Variants in MAML1 observed in about 807,000 individuals in gnomAD.
The protein encoded by MAML1 is mastermind like transcriptional coactivator 1, also known as mastermind-like protein 1.
MAML1 carries 14 observed loss-of-function variants against 77.1 expected under a neutral mutation model. The ratio of observed to expected loss-of-function variants is 0.18; its 90% CI spans 0.12 to 0.28. The LOEUF (loss-of-function observed/expected upper bound fraction) is 0.28, where lower values mean the gene tolerates loss of function less well. MAML1 is among the 10% of genes least tolerant of loss of function. The pLI is 1.00. For missense variants in MAML1, 1,217 were observed against 1,327.8 expected, an observed-to-expected ratio of 0.92 and a Z score of 1.30; for synonymous variants, 516 against 551.9, an observed-to-expected ratio of 0.93 and a Z score of 0.91.
intron 4 of MAML1, chr5:179,773,585 T>G: frequency 3.7e-6 from 1 of 271,376 alleles, no homozygotes; most frequent in Non-Finnish European, 5.6e-6. Context: ...TGGGTCCACC[T>G]CAGAGTCCCC....
Position 179,776,737 on chromosome 5 carries a change from C to T in MAML1, c.*1860C>T. The T allele has an allele frequency of 1.0e-6, 1 of 985,976 alleles. No homozygotes were observed. The highest frequency in any genetic ancestry group is 1.2e-6 in the Non-Finnish European group (1 of 830,042). The allele number at this position is 985,976 out of a possible 1,614,324, so 61.1% of individuals were successfully genotyped here. A position where few individuals can be genotyped will look rare whatever the true frequency, so the allele number is the denominator to read the frequency against. On this transcript the variant is annotated 3_prime_UTR_variant, in exon 5 of 5. Coordinates refer to ENST00000292599, the MANE Select transcript of MAML1 (RefSeq NM_014757.5). Reference sequence around the variant, plus strand: ...ACCCCTGTCCCCGGGGCTCGCTGGCCCTGCACTCCGCCTTAGTCCTGGGGC... The same window carrying T: ...ACCCCTGTCCCCGGGGCTCGCTGGCTCTGCACTCCGCCTTAGTCCTGGGGC...
At chr5:179,758,564 AT>A (rs941737545) in intron 1 of MAML1, among the ~76,000 whole-genome samples, 2 of 151,112 alleles carry the variant, frequency 1.3e-5, no homozygotes, top group East Asian at 2.0e-4. Context: ...CTAATTATTT[AT>A]TTTTTTTAGA....
In MAML1 at chr5:179,733,417, G is replaced by A; in HGVS notation, c.305G>A (p.Arg102His). The A allele has an allele frequency of 9.1e-7, 1 of 1,104,628 alleles. No individual in the cohort carries two copies. Among genetic ancestry groups the A allele is most frequent in the Non-Finnish European group, 1.1e-6 (1 of 910,116 alleles). 68.4% of individuals were successfully genotyped at this position (1,104,628 alleles called of 1,614,324 possible). A position where few individuals can be genotyped will look rare whatever the true frequency, so the allele number is the denominator to read the frequency against. Residue 102 changes from arginine to histidine, a missense_variant, in exon 1 of 5, where the codon CGC (arginine) becomes CAC (histidine). By Grantham distance (29) the Arg-to-His change is conservative. Transcript: ENST00000292599. ...GCCGCTGACGGCCCCGAGCACGGCC[G>A]CCCGGCCACGGTGAGTAGGGCGCGG... is the stretch of plus-strand genomic sequence containing the variant. ...LDAADGPEHGRPATHLHDTVK... is the reference protein window; with the variant it reads ...LDAADGPEHGHPATHLHDTVK...
At chr5:179,747,234 C>G (rs552199600) in intron 1 of MAML1, among the ~76,000 whole-genome samples, 2 of 152,178 alleles carry the variant, frequency 1.3e-5, no homozygotes, top group Admixed American at 6.5e-5. Flanking sequence ...AAGAGTCTGG[C>G]ATTGTACCTG....
At chr5:179,752,233 G>A (rs1779502358) in intron 1 of MAML1, among the ~76,000 whole-genome samples, 1 of 148,812 alleles carries the variant, frequency 6.7e-6, no homozygotes. Flanking sequence ...GGCTGAGGCA[G>A]GAGAATCGCT....
chr5:179,739,383 G>A (rs992223609), intron 1 of MAML1, among the ~76,000 whole-genome samples: 5 of 119,570 alleles, frequency 4.2e-5, no homozygotes, highest in South Asian at 2.5e-4. Context: ...GGAACGGAAC[G>A]GAATAGAATA....
intron 1 of MAML1, among the ~76,000 whole-genome samples, chr5:179,757,948 T>C (rs962792029): frequency 6.6e-6 from 1 of 152,250 alleles, no homozygotes; most frequent in Non-Finnish European, 1.5e-5. Flanking sequence ...TATATGCACA[T>C]AGAACTATAC....
Position 179,766,023 on chromosome 5 carries a change from C to G in MAML1, c.1013C>G (p.Ser338Cys). The change falls in exon 2 of 5, where the codon TCC becomes TGC. Residue 338 changes from serine (S) to cysteine (C), a missense_variant. Physicochemically the swap from Ser to Cys is moderately radical, Grantham distance 112 (BLOSUM62 -1). Transcript: ENST00000292599. The surrounding 1 kb of genome is among the most constrained non-coding windows in gnomAD (Gnocchi z 4.0). ...TCCTCTGCCCCTGTGAGTACAGATT[C>G]CCCCAGCCTAGGGGGCTCCCAAACC... ...GPSSAPVSTD[S>C]PSLGGSQTLF... 1 of 1,598,038 alleles carries G rather than the reference C, an allele frequency of 6.3e-7. No homozygotes were observed. Among genetic ancestry groups the G allele is most frequent in the Non-Finnish European group, 8.5e-7 (1 of 1,173,558 alleles).
At chr5:179,743,724 T>C (rs1462804797) in intron 1 of MAML1, among the ~76,000 whole-genome samples, 2 of 152,136 alleles carry the variant, frequency 1.3e-5, no homozygotes, top group African/African-American at 4.8e-5. Flanking sequence ...TTTAAGCTTA[T>C]GAAAACTTAT....
At chr5:179,755,738 G>T (rs1260157279) in intron 1 of MAML1, among the ~76,000 whole-genome samples, 1 of 144,758 alleles carries the variant, frequency 6.9e-6, no homozygotes. Flanking sequence ...TACTATTATT[G>T]TTAGCTTATT....
chr5:179,733,249 C>T lies in MAML1; in HGVS notation c.137C>T (p.Pro46Leu). ...TCEARYEAVS[P>L]ERLELERQHT... is the part of the protein sequence containing the mutation. ...GAGGCCCGCTACGAGGCCGTGTCGC[C>T]CGAGCGCCTGGAGCTGGAGCGCCAA... The change falls in exon 1 of 5, where the codon CCC (proline) becomes CTC (leucine). Residue 46 changes from proline to leucine, a missense_variant. Physicochemically the swap from Pro to Leu is moderately conservative, Grantham distance 98. Coordinates refer to ENST00000292599, the MANE Select transcript of MAML1 (RefSeq NM_014757.5). The T allele has an allele frequency of 6.8e-6, 10 of 1,473,704 alleles. No homozygotes were observed. Among genetic ancestry groups the T allele is most frequent in the Non-Finnish European group, 9.0e-6 (10 of 1,115,284 alleles). 91.3% of individuals were successfully genotyped at this position (1,473,704 alleles called of 1,614,324 possible). A position where few individuals can be genotyped will look rare whatever the true frequency, so the allele number is the denominator to read the frequency against.
rs1225024296 is a variant in MAML1 at position 179,768,969 on chromosome 5, G to A, written c.1851G>A (p.Gln617=). The A allele has an allele frequency of 6.2e-7, 1 of 1,614,198 alleles. No individual in the cohort carries two copies. The highest frequency in any genetic ancestry group is 1.3e-5 in the African/African-American group (1 of 75,052). The change falls in exon 3 of 5, where the codon CAG becomes CAA. Residue 617 remains glutamine, a synonymous_variant. Transcript: ENST00000292599. ...NSSPYLSSQQ[Q]AAVMKQHQLL... is the part of the protein sequence containing the mutation. Reference sequence around the variant, plus strand: ...CCCCCTATCTCAGCAGCCAGCAACAGGCCGCTGTAATGAAGCAGCATCAGT... The same window carrying A: ...CCCCCTATCTCAGCAGCCAGCAACAAGCCGCTGTAATGAAGCAGCATCAGT...
At chr5:179,757,153 T>G (rs897990695) in intron 1 of MAML1, among the ~76,000 whole-genome samples, 2 of 152,144 alleles carry the variant, frequency 1.3e-5, no homozygotes, top group African/African-American at 4.8e-5. Flanking sequence ...CTCTATTTAC[T>G]GTTAATTTAT....
chr5:179,733,860 A>G (rs1384402003), intron 1 of MAML1, among the ~76,000 whole-genome samples: 1 of 152,228 alleles, frequency 6.6e-6, no homozygotes, highest in Non-Finnish European at 1.5e-5. Context: ...GAGCAGGATC[A>G]GGGCTTTCAT....
In MAML1 at chr5:179,776,629, G is replaced by C; in HGVS notation, c.*1752G>C. On this transcript the variant is annotated 3_prime_UTR_variant, in exon 5 of 5. Transcript: ENST00000292599. Reference sequence around the variant, plus strand: ...GAAGGGGAAGAGGGTGACCTCAGCGGCTTTTCTCCCAAAAATCGGCTGAAG... The same window carrying C: ...GAAGGGGAAGAGGGTGACCTCAGCGCCTTTTCTCCCAAAAATCGGCTGAAG... 1 of 985,656 alleles carries C rather than the reference G, an allele frequency of 1.0e-6. No homozygotes were observed. The highest frequency in any genetic ancestry group is 1.2e-6 in the Non-Finnish European group (1 of 829,956). 61.1% of individuals were successfully genotyped at this position (985,656 alleles called of 1,614,324 possible).
intron 1 of MAML1, among the ~76,000 whole-genome samples, chr5:179,764,535 C>G (rs1017810985): frequency 6.6e-6 from 1 of 152,074 alleles, no homozygotes; most frequent in Non-Finnish European, 1.5e-5. Flanking sequence ...TGGCACATGC[C>G]TGTAATCCCA....
rs942763570 is a variant in MAML1, at chr5:179,736,538, G to A, written c.315+3111G>A. Among the ~76,000 whole-genome samples the A allele has an allele frequency of 4.9e-4, 74 of 152,132 alleles. 1 individual carries two copies. Among genetic ancestry groups the A allele is most frequent in the Non-Finnish European group, 8.8e-5 (6 of 67,994 alleles). On this transcript the variant is annotated intron_variant, in intron 1 of 4. Coordinates refer to ENST00000292599, the MANE Select transcript of MAML1 (RefSeq NM_014757.5). ...AGTGCTGGGATTACAGGCATGAGCC[G>A]CCACGCTTGGCCTGTGTAAGGAAGG...
Position 179,775,762 on chromosome 5 carries a change from C to T in MAML1, c.*885C>T. 2 of 985,504 alleles carry T rather than the reference C, an allele frequency of 2.0e-6. No homozygotes were observed. The highest frequency in any genetic ancestry group is 9.4e-5 in the South Asian group (2 of 21,294). 61.0% of individuals were successfully genotyped at this position (985,504 alleles called of 1,614,324 possible). ...ATGTTGCCCATGGTGGGAGCGTGGTCACTGTGCAGTTGTGCACAGATGTCT... is the reference window on the plus strand; with the variant it reads ...ATGTTGCCCATGGTGGGAGCGTGGTTACTGTGCAGTTGTGCACAGATGTCT... On this transcript the variant is annotated 3_prime_UTR_variant, in exon 5 of 5. Coordinates refer to ENST00000292599, the MANE Select transcript of MAML1 (RefSeq NM_014757.5).
rs1471730252 is a variant in MAML1 at position 179,776,165 on chromosome 5, C to T, written c.*1288C>T. 1 of 985,778 alleles carries T rather than the reference C, an allele frequency of 1.0e-6. No individual in the cohort carries two copies. The highest frequency in any genetic ancestry group is 1.2e-6 in the Non-Finnish European group (1 of 829,948). 61.1% of individuals were successfully genotyped at this position (985,778 alleles called of 1,614,324 possible). On this transcript the variant is annotated 3_prime_UTR_variant, in exon 5 of 5. Transcript: ENST00000292599. ...CCCGTAACGAAAGCAAAGTGGTAAG[C>T]ACAGGGTGAGACCCTTTTACACAGA...
Sources: gnomAD v4.1 joint callset for allele counts (sites outside exome capture counted in the v4.1 genomes callset) on GRCh38, gnomAD v4.1.1 for gene constraint, Gnocchi (gnomAD v3.1) non-coding constraint, MANE v1.5 for transcripts, NCBI Gene and HGNC (gene_info 2026-07-23, HGNC 2026-07-21) for gene names.